The following AVEN variants were observed in gnomAD, a reference collection of about 807,000 sequenced individuals.
The protein encoded by AVEN is apoptosis and caspase activation inhibitor.
AVEN carries 41 observed loss-of-function variants against 38.1 expected under a neutral mutation model. That is an observed-to-expected ratio of 1.08 (90% CI 0.84 to 1.40). The LOEUF (loss-of-function observed/expected upper bound fraction) is 1.40, where lower values mean the gene tolerates loss of function less well. Among genes scored for constraint, AVEN ranks in the 40% most tolerant of loss-of-function variants. AVEN has a pLI of 0.00. For synonymous variants in AVEN, 206 were observed against 171.8 expected, an observed-to-expected ratio of 1.20 and a Z score of -1.56; for missense variants, 605 against 438.8, an observed-to-expected ratio of 1.38 and a Z score of -3.38.
rs1295747304 is a variant in AVEN at position 34,045,893 on chromosome 15, A to G, written n.1637+17029T>C. 3.9e-5 allele frequency among the ~76,000 whole-genome samples: 6 copies of G among 152,328 alleles called. No homozygotes were observed. In the East Asian group the frequency reaches 1.2e-3, roughly 29 times the overall value. ...ACAAGAAACAATCGGCCAAGGTTGG[A>G]AACCCAGAGGCTTTTATTACTGTGG... is the stretch of plus-strand genomic sequence containing the variant. On this transcript the variant is annotated intron_variant and non_coding_transcript_variant, in intron 5 of 11. Coordinates refer to the AVEN transcript ENST00000675287.
chr15:33,878,706 T>A (rs370244695), intron 2 of AVEN, among the ~76,000 whole-genome samples: 1 of 152,292 alleles, frequency 6.6e-6, no homozygotes, highest in South Asian at 2.1e-4. Context: ...GAATACGTAT[T>A]AATCTAATAA....
chr15:34,050,640 T>C (rs1899898050), intron 5 of AVEN, among the ~76,000 whole-genome samples: 1 of 151,720 alleles, frequency 6.6e-6, no homozygotes, highest in African/African-American at 2.4e-5. Flanking sequence ...AGGCTCAAAA[T>C]AAAGGAATGG....
intron 5 of AVEN, chr15:34,046,479 A>G (rs960017683): frequency 6.6e-6 from 1 of 152,190 alleles, no homozygotes; most frequent in African/African-American, 2.4e-5. Context: ...GTTACTGCAC[A>G]TTGCAGTTGG....
At chr15:34,064,301 C>G (rs750778878) in intron 4 of AVEN, 1 of 1,612,448 alleles carries the variant, frequency 6.2e-7, no homozygotes, top group South Asian at 1.1e-5. Context: ...GGCAGGGGAA[C>G]AGCAAGCTAC....
At chr15:33,896,321 T>C (rs563783476) in intron 2 of AVEN, among the ~76,000 whole-genome samples, 1 of 152,270 alleles carries the variant, frequency 6.6e-6, no homozygotes, top group East Asian at 1.9e-4. Context: ...GAAAAGGACA[T>C]TACGGCTTGT....
intron 2 of AVEN, among the ~76,000 whole-genome samples, chr15:33,982,143 A>T (rs571459999): frequency 3.9e-4 from 60 of 152,240 alleles, no homozygotes; most frequent in Admixed American, 2.0e-3. Context: ...CTGGGATTAC[A>T]GGCATGAACC....
At position 33,861,067 on chromosome 15, in the gene AVEN, A is replaced by G. The variant is rs1301317193; in HGVS notation, n.2730-1973T>C. On this transcript the variant is annotated intron_variant and non_coding_transcript_variant, in intron 11 of 11. Coordinates refer to the AVEN transcript ENST00000675287. Reference sequence around the variant, plus strand: ...CCAACAAATGCCTTTTCTGCCTGTTATTTTTCTTAGACTAAATGTTTCATC... The same window carrying G: ...CCAACAAATGCCTTTTCTGCCTGTTGTTTTTCTTAGACTAAATGTTTCATC... 7.0e-6 allele frequency: 11 copies of G among 1,567,512 alleles called. No individual in the cohort carries two copies. In the East Asian group the frequency reaches 1.4e-4, roughly 20 times the overall value.
At chr15:33,930,003 A>G (rs111627312) in intron 2 of AVEN, among the ~76,000 whole-genome samples, 6 of 152,236 alleles carry the variant, frequency 3.9e-5, no homozygotes, top group Non-Finnish European at 7.3e-5. Flanking sequence ...TCCTTTCTTC[A>G]TAAGTGCTAC....
At chr15:33,905,994 A>G (rs1460510203) in intron 2 of AVEN, among the ~76,000 whole-genome samples, 3 of 152,166 alleles carry the variant, frequency 2.0e-5, no homozygotes, top group Non-Finnish European at 4.4e-5. Flanking sequence ...AGTACCTCCT[A>G]TACATGAATT....
At chr15:33,962,679 G>GTCTA (rs10623731) in intron 2 of AVEN, among the ~76,000 whole-genome samples, 125,073 of 151,880 alleles carry the variant, frequency 0.82, 55,599 homozygotes, top group Non-Finnish European at 0.98. Flanking sequence ...CATAATATCT[G>GTCTA]TCTGTCTATA....
intron 2 of AVEN, among the ~76,000 whole-genome samples, chr15:33,920,919 G>A (rs1290648492): frequency 6.6e-6 from 1 of 152,088 alleles, no homozygotes; most frequent in African/African-American, 2.4e-5. Context: ...GGGACCACAG[G>A]CGCACACCAC....
intron 2 of AVEN, among the ~76,000 whole-genome samples, chr15:33,933,922 G>A (rs969169108): frequency 7.2e-5 from 11 of 152,300 alleles, no homozygotes; most frequent in Admixed American, 4.6e-4. Flanking sequence ...TTGCACCACT[G>A]CACTCTGGTT....
chr15:34,047,898 G>T (rs990354114), intron 5 of AVEN, among the ~76,000 whole-genome samples: 25 of 152,162 alleles, frequency 1.6e-4, no homozygotes, highest in African/African-American at 6.0e-4. Flanking sequence ...AGGATGAGGG[G>T]CTCTCCACAC....
At chr15:34,049,562 G>A (rs915134460) in intron 5 of AVEN, among the ~76,000 whole-genome samples, 9 of 152,262 alleles carry the variant, frequency 5.9e-5, no homozygotes, top group East Asian at 1.9e-4. Flanking sequence ...GACTGATTGG[G>A]GTACCTGAAA....
intron 5 of AVEN, among the ~76,000 whole-genome samples, chr15:33,867,053 T>C (rs1039278417): frequency 6.6e-6 from 1 of 152,164 alleles, no homozygotes; most frequent in African/African-American, 2.4e-5. Context: ...CTTAGGCCCC[T>C]CTACATCAGA....
intron 2 of AVEN, among the ~76,000 whole-genome samples, chr15:33,881,080 A>C (rs1891467321): frequency 6.6e-6 from 1 of 152,100 alleles, no homozygotes; most frequent in Non-Finnish European, 1.5e-5. Context: ...ATAGAAGCTA[A>C]TTTTATTTTA....
intron 2 of AVEN, among the ~76,000 whole-genome samples, chr15:33,916,051 G>A (rs1222344122): frequency 6.6e-6 from 1 of 151,876 alleles, no homozygotes; most frequent in African/African-American, 2.4e-5. Flanking sequence ...GCTCAGACAC[G>A]CCCAACCCTG....
intron 1 of AVEN, among the ~76,000 whole-genome samples, chr15:34,008,581 C>G (rs374243717): frequency 6.6e-6 from 1 of 150,966 alleles, no homozygotes; most frequent in South Asian, 2.1e-4. Context: ...CTCCGCCTCC[C>G]GGGTTCAAGT....
At chr15:33,946,436 A>G (rs1435478461) in intron 2 of AVEN, among the ~76,000 whole-genome samples, 1 of 152,190 alleles carries the variant, frequency 6.6e-6, no homozygotes, top group Non-Finnish European at 1.5e-5. Flanking sequence ...AGAGAAATGC[A>G]TTCAACTGAT....
Sources: allele counts gnomAD v4.1 joint callset (sites outside exome capture counted in the v4.1 genomes callset), GRCh38; gene constraint gnomAD v4.1.1; transcripts MANE v1.5; gene names NCBI Gene and HGNC (gene_info 2026-07-23, HGNC 2026-07-21).